The following PLCB1 variants were observed in gnomAD, a reference collection of about 807,000 sequenced individuals.
PLCB1 encodes the protein 1-phosphatidylinositol 4,5-bisphosphate phosphodiesterase beta-1.
Under a neutral mutation model 161.8 loss-of-function variants are expected in PLCB1, and 46 were observed. The observed-to-expected ratio is 0.28, with a 90% CI of 0.22 to 0.36. The LOEUF is 0.36. Ranked by LOEUF, PLCB1 falls within the 10% of genes least tolerant of loss-of-function variation. PLCB1 has a pLI of 1.00. For missense variants in PLCB1, 1,016 were observed against 1,472.5 expected (o/e 0.69, Z 5.07); for synonymous variants, 517 against 503.7 (o/e 1.03, Z -0.35).
At chr20:8,276,558 G>A (rs1203928553) in intron 2 of PLCB1, among the ~76,000 whole-genome samples, 2 of 152,064 alleles carry the variant, frequency 1.3e-5, no homozygotes, top group African/African-American at 2.4e-5. Flanking sequence ...CTTCTTTTGA[G>A]TGTTCTTTTT....
chr20:8,370,406 T>A (rs1986868922), intron 2 of PLCB1, among the ~76,000 whole-genome samples: 1 of 152,180 alleles, frequency 6.6e-6, no homozygotes, highest in African/African-American at 2.4e-5. Flanking sequence ...TCCGCTTCCA[T>A]CCTTCTACAA....
chr20:8,717,465 G>T (rs1979382567), intron 13 of PLCB1, among the ~76,000 whole-genome samples: 1 of 151,312 alleles, frequency 6.6e-6, no homozygotes, highest in African/African-American at 2.4e-5. Flanking sequence ...AGAATATGTT[G>T]AAAAAAAAAG....
chr20:8,709,694 C>T (rs905358362), intron 12 of PLCB1, among the ~76,000 whole-genome samples: 1 of 152,164 alleles, frequency 6.6e-6, no homozygotes, highest in Non-Finnish European at 1.5e-5. Context: ...TGAAGAATTT[C>T]TAAGTAGTTA....
At chr20:8,840,453 T>A (rs7271421) in intron 31 of PLCB1, among the ~76,000 whole-genome samples, 42,055 of 152,010 alleles carry the variant, frequency 0.28, 6,113 homozygotes, top group Middle Eastern at 0.41. Context: ...AGCTACACAG[T>A]AGCAAGAACA....
rs140456794 is a variant in PLCB1, at chr20:8,815,057, C to T, written c.3423+24796C>T. Among the ~76,000 whole-genome samples the T allele has an allele frequency of 3.0e-3, 458 of 152,326 alleles. 2 individuals are homozygous for T. The highest frequency in any genetic ancestry group is 0.011 in the African/African-American group (439 of 41,572). ...TAAAAACCCCAGTCCGCTTTGATTT[C>T]GGATCATGTGCTTCCCTTCTCTACT... On this transcript the variant is annotated intron_variant, in intron 31 of 31. Transcript: ENST00000338037.
At chr20:8,595,928 G>A (rs1359282475) in intron 3 of PLCB1, among the ~76,000 whole-genome samples, 17 of 116,718 alleles carry the variant, frequency 1.5e-4, no homozygotes, top group East Asian at 5.5e-4. Context: ...CATGTCCTTC[G>A]CCCACTTTTT....
intron 3 of PLCB1, among the ~76,000 whole-genome samples, chr20:8,604,193 C>T (rs1987687972): frequency 7.7e-6 from 1 of 129,558 alleles, no homozygotes; most frequent in Non-Finnish European, 1.5e-5. Flanking sequence ...GTGGAGGTTG[C>T]AGTGAGCCAA....
intron 2 of PLCB1, among the ~76,000 whole-genome samples, chr20:8,202,781 A>G (rs1057270338): frequency 6.6e-6 from 1 of 152,190 alleles, no homozygotes; most frequent in East Asian, 1.9e-4. Context: ...ATGTTGACTG[A>G]TAGTCCAGTG....
chr20:8,672,982 C>T (rs1427347477), intron 9 of PLCB1, among the ~76,000 whole-genome samples: 1 of 151,884 alleles, frequency 6.6e-6, no homozygotes, highest in Non-Finnish European at 1.5e-5. Context: ...CATGGTGATG[C>T]GCGCCTGTAA....
chr20:8,637,556 G>C (rs1372934487), intron 4 of PLCB1, among the ~76,000 whole-genome samples: 1 of 152,156 alleles, frequency 6.6e-6, no homozygotes. Context: ...AAAAGTTAAA[G>C]TAGAAGGGTG....
chr20:8,496,480 A>G (rs1983178287), intron 3 of PLCB1, among the ~76,000 whole-genome samples: 1 of 152,146 alleles, frequency 6.6e-6, no homozygotes, highest in South Asian at 2.1e-4. Context: ...CCCCAGAGAG[A>G]GAGGGAGATG....
intron 3 of PLCB1, among the ~76,000 whole-genome samples, chr20:8,583,296 A>C (rs1986890822): frequency 6.6e-6 from 1 of 152,220 alleles, no homozygotes; most frequent in Non-Finnish European, 1.5e-5. Context: ...ATTGTACAAC[A>C]ACATGGATGT....
At chr20:8,547,798 A>G (rs998803815) in intron 3 of PLCB1, among the ~76,000 whole-genome samples, 1 of 152,166 alleles carries the variant, frequency 6.6e-6, no homozygotes, top group Non-Finnish European at 1.5e-5. Flanking sequence ...AAAACCTGCA[A>G]TCACTTTCAT....
At chr20:8,630,066 TTCTC>T (rs1463437684) in intron 4 of PLCB1, among the ~76,000 whole-genome samples, 1 of 144,964 alleles carries the variant, frequency 6.9e-6, no homozygotes, top group East Asian at 2.0e-4. Flanking sequence ...TTCTTTCTTT[TTCTC>T]TCTCTCTCTT....
Position 8,136,427 on chromosome 20 carries a change from C to T in PLCB1, c.99+3677C>T, listed in dbSNP as rs554182667. On this transcript the variant is annotated intron_variant, in intron 1 of 31. Transcript: ENST00000338037. ...AGATCACAAGACCAGGAGATCGAGACCATCCTGGCTAACACGGTGAAACCC... is the reference window on the plus strand; with the variant it reads ...AGATCACAAGACCAGGAGATCGAGATCATCCTGGCTAACACGGTGAAACCC... 3.9e-5 allele frequency among the ~76,000 whole-genome samples: 6 copies of T among 152,158 alleles called. No homozygotes were observed. In the East Asian group the frequency reaches 1.2e-3, roughly 29 times the overall value.
At chr20:8,639,155 A>AG (rs1988862872) in intron 4 of PLCB1, among the ~76,000 whole-genome samples, 1 of 152,160 alleles carries the variant, frequency 6.6e-6, no homozygotes, top group Admixed American at 6.5e-5. Flanking sequence ...ACAGCAGAGA[A>AG]GGGGCTGTCT....
chr20:8,272,967 C>G (rs762356673), intron 2 of PLCB1, among the ~76,000 whole-genome samples: 3 of 152,138 alleles, frequency 2.0e-5, no homozygotes, highest in African/African-American at 4.8e-5. Context: ...GTATGTATGA[C>G]TTCCCCATTT....
chr20:8,368,546 A>G (rs915242473), intron 2 of PLCB1, among the ~76,000 whole-genome samples: 62 of 150,940 alleles, frequency 4.1e-4, no homozygotes, highest in African/African-American at 2.4e-4. Context: ...AAAAAAAAAA[A>G]AAAAGAAAAA....
intron 1 of PLCB1, among the ~76,000 whole-genome samples, chr20:8,149,967 C>T (rs773111802): frequency 6.6e-6 from 1 of 151,914 alleles, no homozygotes; most frequent in Non-Finnish European, 1.5e-5. Flanking sequence ...TAATATTAAT[C>T]ATAAAAATAA....
Sources: gnomAD v4.1 joint callset for allele counts (sites outside exome capture counted in the v4.1 genomes callset) on GRCh38, gnomAD v4.1.1 for gene constraint, MANE v1.5 for transcripts, NCBI Gene and HGNC (gene_info 2026-07-23, HGNC 2026-07-21) for gene names.